The following TAPT1 variants were observed in gnomAD, a reference collection of about 807,000 sequenced individuals.
TAPT1 encodes the protein transmembrane anterior posterior transformation 1, also known as transmembrane anterior posterior transformation protein 1 homolog.
TAPT1 carries 28 observed loss-of-function variants against 65.6 expected under a neutral mutation model. The ratio of observed to expected loss-of-function variants is 0.43; its 90% CI spans 0.32 to 0.59. TAPT1 has a LOEUF of 0.59. Among genes scored for constraint, TAPT1 ranks in the 20% least tolerant of loss-of-function variants. The pLI is 0.09. For synonymous variants in TAPT1, 278 were observed against 245.2 expected, an observed-to-expected ratio of 1.13 and a Z score of -1.25; for missense variants, 563 against 679.9, an observed-to-expected ratio of 0.83 and a Z score of 1.91.
intron 5 of TAPT1, among the ~76,000 whole-genome samples, chr4:16,187,600 T>C (rs548968446): frequency 1.3e-5 from 2 of 148,880 alleles, no homozygotes; most frequent in East Asian, 2.0e-4. Context: ...GTTACAGAGA[T>C]AGAAAAAAAA....
chr4:16,215,682 T>G (rs1185220275), intron 1 of TAPT1, among the ~76,000 whole-genome samples: 2 of 152,208 alleles, frequency 1.3e-5, no homozygotes, highest in Non-Finnish European at 2.9e-5. Flanking sequence ...ACATTTACAG[T>G]TGAAGTCACA....
intron 2 of TAPT1, among the ~76,000 whole-genome samples, chr4:16,203,957 A>G (rs1188487542): frequency 1.3e-5 from 2 of 152,186 alleles, no homozygotes; most frequent in Non-Finnish European, 2.9e-5. Flanking sequence ...ACAGCAGTGA[A>G]AATACGATGC....
intron 2 of TAPT1, among the ~76,000 whole-genome samples, chr4:16,206,102 A>C (rs1325092548): frequency 6.6e-6 from 1 of 152,248 alleles, no homozygotes; most frequent in Non-Finnish European, 1.5e-5. Context: ...ATTCAAGGTC[A>C]TCCCTACAAT....
intron 4 of TAPT1, 188 bp downstream of exon 4, chr4:16,191,173 C>A: frequency 1.8e-6 from 1 of 553,780 alleles, no homozygotes; most frequent in East Asian, 3.0e-5. Flanking sequence ...ATTCTCCAGA[C>A]CCAGCCTAGA....
rs772389544 is a variant in TAPT1 at position 16,179,664 on chromosome 4, G to A, written c.917-7C>T. The A allele has an allele frequency of 4.4e-5, 64 of 1,468,406 alleles. No individual in the cohort carries two copies. Among genetic ancestry groups the A allele is most frequent in the Middle Eastern group, 1.9e-4 (1 of 5,302 alleles). 91.0% of individuals were successfully genotyped at this position (1,468,406 alleles called of 1,614,324 possible). A position where few individuals can be genotyped will look rare whatever the true frequency, so the allele number is the denominator to read the frequency against. Reference sequence around the variant, plus strand: ...GTGAATCGTTCCTTAATATCTAAAAGAAAAAAAATCAACATAAGTACTGTA... The same window carrying A: ...GTGAATCGTTCCTTAATATCTAAAAAAAAAAAAATCAACATAAGTACTGTA... On this transcript the variant is annotated splice_polypyrimidine_tract_variant and splice_region_variant and intron_variant, in intron 7 of 13. Transcript: ENST00000405303.
chr4:16,170,040 G>A (rs1041768266), intron 12 of TAPT1, among the ~76,000 whole-genome samples: 2 of 152,192 alleles, frequency 1.3e-5, no homozygotes, highest in African/African-American at 2.4e-5. Flanking sequence ...TTGACTGCCA[G>A]GTCTGGGTAC....
intron 3 of TAPT1, 91 bp downstream of exon 3, chr4:16,202,371 C>T: frequency 1.3e-6 from 1 of 765,880 alleles, no homozygotes; most frequent in Middle Eastern, 3.3e-4. Context: ...GTGGATGAAA[C>T]TGTATGAATT....
At chr4:16,223,708 T>C (rs1380817171) in intron 1 of TAPT1, among the ~76,000 whole-genome samples, 1 of 152,200 alleles carries the variant, frequency 6.6e-6, no homozygotes, top group Non-Finnish European at 1.5e-5. Context: ...ATAGAGCATA[T>C]ACAGCTATTC....
At chr4:16,211,021 C>T (rs1578474594) in intron 2 of TAPT1, among the ~76,000 whole-genome samples, 5 of 146,654 alleles carry the variant, frequency 3.4e-5, no homozygotes, top group African/African-American at 1.0e-4. Context: ...TATCCAATGA[C>T]AATACAACAC....
intron 3 of TAPT1, among the ~76,000 whole-genome samples, chr4:16,200,078 C>T (rs1749944103): frequency 6.6e-6 from 1 of 152,150 alleles, no homozygotes; most frequent in South Asian, 2.1e-4. Flanking sequence ...CTTAGTATAC[C>T]TCATACGTGT....
Position 16,213,825 on chromosome 4 carries a change from A to G in TAPT1, c.273T>C (p.Tyr91=). ...GYFLEHNEAK[Y]TERRERVYTC... ...TGTATACTCTTTCTCTTCTTTCTGTATACTTGGCCTCATTATGTTCAAGGA... is the reference window on the plus strand; with the variant it reads ...TGTATACTCTTTCTCTTCTTTCTGTGTACTTGGCCTCATTATGTTCAAGGA... The change falls in exon 2 of 14, where the codon TAT becomes TAC. Residue 91 remains tyrosine, a synonymous_variant. Coordinates refer to ENST00000405303, the MANE Select transcript of TAPT1 (RefSeq NM_153365.3). The G allele has an allele frequency of 6.2e-7, 1 of 1,608,560 alleles. No individual in the cohort carries two copies. The highest frequency in any genetic ancestry group is 8.5e-7 in the Non-Finnish European group (1 of 1,178,496).
Position 16,161,572 on chromosome 4 carries a change from T to C in TAPT1, c.*1736A>G, listed in dbSNP as rs973056744. The C allele has an allele frequency of 1.2e-4, 18 of 152,608 alleles. No individual in the cohort carries two copies. Among genetic ancestry groups the C allele is most frequent in the Admixed American group, 1.2e-3 (18 of 15,284 alleles). The allele number at this position is 152,608 out of a possible 1,614,324, so 9.5% of individuals were successfully genotyped here. A position where few individuals can be genotyped will look rare whatever the true frequency, so the allele number is the denominator to read the frequency against. ...ATTCACGGTGGCATTGTTCCTTTTG[T>C]TGGTAAAGGGAGATGGAAAAAATAA... On this transcript the variant is annotated 3_prime_UTR_variant, in exon 14 of 14. Transcript: ENST00000405303.
intron 3 of TAPT1, among the ~76,000 whole-genome samples, chr4:16,197,414 G>A (rs1449817671): frequency 6.6e-6 from 1 of 152,118 alleles, no homozygotes; most frequent in African/African-American, 2.4e-5. Context: ...CTTGGTACCA[G>A]GCTATATCAT....
Position 16,160,543 on chromosome 4 carries a change from C to T in TAPT1, c.*2765G>A, listed in dbSNP as rs1747201427. On this transcript the variant is annotated 3_prime_UTR_variant, in exon 14 of 14. Coordinates refer to ENST00000405303, the MANE Select transcript of TAPT1 (RefSeq NM_153365.3). ...ACTATATTTTAGAGCTGAAATAAGCCTGAGAGATCATTTGGTCAGTGGACA... is the reference window on the plus strand; with the variant it reads ...ACTATATTTTAGAGCTGAAATAAGCTTGAGAGATCATTTGGTCAGTGGACA... 1 of 152,186 alleles carries T rather than the reference C, an allele frequency of 6.6e-6. No homozygotes were observed. Among genetic ancestry groups the T allele is most frequent in the South Asian group, 2.1e-4 (1 of 4,832 alleles). The allele number at this position is 152,186 out of a possible 1,614,324, so 9.4% of individuals were successfully genotyped here. A position where few individuals can be genotyped will look rare whatever the true frequency, so the allele number is the denominator to read the frequency against.
rs1335218152 is a variant in TAPT1, at chr4:16,174,184, A to G, written c.1236+20T>C. The G allele has an allele frequency of 1.9e-6, 3 of 1,564,818 alleles. 1 individual carries two copies. The highest frequency in any genetic ancestry group is 3.3e-4 in the Middle Eastern group (2 of 5,992). Reference sequence around the variant, plus strand: ...TGATGGCTACTTTGTTACAAAAAACATTAAAAAGTATGCACTTACTAAAAC... The same window carrying G: ...TGATGGCTACTTTGTTACAAAAAACGTTAAAAAGTATGCACTTACTAAAAC... On this transcript the variant is annotated intron_variant, in intron 11 of 13. Transcript: ENST00000405303.
At chr4:16,166,496 C>A in intron 13 of TAPT1, 137 bp downstream of exon 13, 2 of 1,049,768 alleles carry the variant, frequency 1.9e-6, no homozygotes, top group Non-Finnish European at 2.8e-6. Context: ...GGGATGAAAT[C>A]TAAAACACAA....
chr4:16,205,833 A>C (rs1750311089), intron 2 of TAPT1, among the ~76,000 whole-genome samples: 1 of 152,210 alleles, frequency 6.6e-6, no homozygotes, highest in African/African-American at 2.4e-5. Flanking sequence ...TTCATTGCTA[A>C]GGAGCTCAAA....
chr4:16,186,780 C>T lies in TAPT1; in HGVS notation c.846+1G>A. 1 of 1,579,756 alleles carries T rather than the reference C, an allele frequency of 6.3e-7. No homozygotes were observed. The highest frequency in any genetic ancestry group is 1.3e-5 in the African/African-American group (1 of 74,140). ...AAATGTAAGATAAATCTCATACTTA[C>T]ATTATTAGACATCATGATAGTAAGC... On this transcript the variant is annotated splice_donor_variant, in intron 6 of 13. Transcript: ENST00000405303. LOFTEE classifies it high-confidence loss of function.
Position 16,161,076 on chromosome 4 carries a change from C to A in TAPT1, c.*2232G>T, listed in dbSNP as rs761584103. 2.6e-5 allele frequency: 4 copies of A among 152,578 alleles called. No individual in the cohort carries two copies. The highest frequency in any genetic ancestry group is 4.8e-5 in the African/African-American group (2 of 41,408). 9.5% of individuals were successfully genotyped at this position (152,578 alleles called of 1,614,324 possible). ...TCAAAACACTTGTAAAATGCAAATA[C>A]CTTCATTTGCTGAGAAATATTAAAT... On this transcript the variant is annotated 3_prime_UTR_variant, in exon 14 of 14. Transcript: ENST00000405303.
Sources: gnomAD v4.1 joint callset for allele counts (sites outside exome capture counted in the v4.1 genomes callset) on GRCh38, gnomAD v4.1.1 for gene constraint, MANE v1.5 for transcripts, NCBI Gene and HGNC (gene_info 2026-07-23, HGNC 2026-07-21) for gene names.